Variants in SCUBE3 observed in about 807,000 individuals in gnomAD.
SCUBE3 encodes the protein signal peptide, CUB domain and EGF like domain containing 3, also known as signal peptide, CUB and EGF-like domain-containing protein 3.
In SCUBE3, 33 loss-of-function variants were observed where a neutral mutation model predicts 116.8. The observed-to-expected ratio is 0.28, with a 90% CI of 0.21 to 0.38. The LOEUF (loss-of-function observed/expected upper bound fraction) is 0.38. SCUBE3 is among the 10% of genes least tolerant of loss of function. The pLI is 1.00. For missense variants in SCUBE3, 1,007 were observed against 1,324.8 expected (o/e 0.76, Z 3.72); for synonymous variants, 418 against 496.9 (o/e 0.84, Z 2.11).
intron 1 of SCUBE3, chr6:35,218,296 A>G (rs902185547): frequency 1.3e-5 from 3 of 233,884 alleles, no homozygotes; most frequent in African/African-American, 2.3e-5. Context: ...TGAGAGGAAA[A>G]AGGAAGTGGG....
chr6:35,227,533 A>C, intron 1 of SCUBE3, 47 bp from the exon 2 acceptor site: 1 of 1,612,380 alleles, frequency 6.2e-7, no homozygotes, highest in Non-Finnish European at 8.5e-7. Context: ...GACACCCCTT[A>C]AGAGGTGCCA....
At chr6:35,225,877 C>A (rs1783302478) in intron 1 of SCUBE3, among the ~76,000 whole-genome samples, 1 of 152,066 alleles carries the variant, frequency 6.6e-6, no homozygotes, top group African/African-American at 2.4e-5. Context: ...TTAATAAAAC[C>A]TAGGCAATTC....
intron 1 of SCUBE3, chr6:35,222,108 AC>A (rs1783138545): frequency 6.6e-6 from 1 of 151,990 alleles, no homozygotes; most frequent in African/African-American, 2.4e-5. Context: ...GCCCACAATT[AC>A]CCCCTCCCCT....
rs746471288 is a variant in SCUBE3 at position 35,251,838 on chromosome 6, G to A, written c.*3133G>A. On this transcript the variant is annotated 3_prime_UTR_variant, in exon 22 of 22. Transcript: ENST00000274938. ...CTGGCCCTGGGACATCAAACTAGGGGTTAACTGGATTGAATGAGGAGTCAA... is the reference window on the plus strand; with the variant it reads ...CTGGCCCTGGGACATCAAACTAGGGATTAACTGGATTGAATGAGGAGTCAA... 2 of 152,244 alleles carry A rather than the reference G, an allele frequency of 1.3e-5. No individual in the cohort carries two copies. Among genetic ancestry groups the A allele is most frequent in the African/African-American group, 2.4e-5 (1 of 41,440 alleles). The allele number at this position is 152,244 out of a possible 1,614,324, so 9.4% of individuals were successfully genotyped here. A position where few individuals can be genotyped will look rare whatever the true frequency, so the allele number is the denominator to read the frequency against.
rs999804963 is a variant in SCUBE3 at position 35,241,033 on chromosome 6, A to G, written c.1070-108A>G. On this transcript the variant is annotated intron_variant, in intron 9 of 21. Coordinates refer to ENST00000274938, the MANE Select transcript of SCUBE3 (RefSeq NM_152753.4). This position sits in a 1 kb window ranked among gnomAD's most constrained non-coding sequence, Gnocchi z 4.1. The stretch of plus-strand genomic sequence containing the variant: ...TCTCTCGAACTTATTCATCTTGCGT[A>G]ATGCAGGGTACCTGAAACTCTAACC... 2.0e-5 allele frequency: 21 copies of G among 1,045,286 alleles called. No homozygotes were observed. In the Admixed American group the frequency reaches 4.7e-4, roughly 23 times the overall value. The allele number at this position is 1,045,286 out of a possible 1,614,324, so 64.8% of individuals were successfully genotyped here.
In SCUBE3 at chr6:35,242,607, A is replaced by G; in HGVS notation, c.1535-15A>G. 6.3e-7 allele frequency: 1 copy of G among 1,599,962 alleles called. No individual in the cohort carries two copies. Among genetic ancestry groups the G allele is most frequent in the Non-Finnish European group, 8.6e-7 (1 of 1,168,448 alleles). On this transcript the variant is annotated splice_polypyrimidine_tract_variant and intron_variant, in intron 13 of 21. Coordinates refer to ENST00000274938, the MANE Select transcript of SCUBE3 (RefSeq NM_152753.4). ...CCAGGGGATGTCCCTGGGGTTGACA[A>G]GCCCTCTCTCCCAGGTGGTGCCCCC...
In SCUBE3 at chr6:35,245,816, G is replaced by A. The variant is rs1784312972; in HGVS notation, c.2600-128G>A. ...GGTGTGGGGTAGGGTGTGTGTATGCGAAGGGGGAGCCTTTGTCAGAATGAT... is the reference window on the plus strand; with the variant it reads ...GGTGTGGGGTAGGGTGTGTGTATGCAAAGGGGGAGCCTTTGTCAGAATGAT... On this transcript the variant is annotated intron_variant, in intron 19 of 21. Coordinates refer to ENST00000274938, the MANE Select transcript of SCUBE3 (RefSeq NM_152753.4). This position sits in a 1 kb window ranked among gnomAD's most constrained non-coding sequence, Gnocchi z 4.2. 7 of 1,002,792 alleles carry A rather than the reference G, an allele frequency of 7.0e-6. No individual in the cohort carries two copies. The highest frequency in any genetic ancestry group is 3.2e-5 in the African/African-American group (2 of 61,986). 62.1% of individuals were successfully genotyped at this position (1,002,792 alleles called of 1,614,324 possible). A position where few individuals can be genotyped will look rare whatever the true frequency, so the allele number is the denominator to read the frequency against.
Position 35,239,255 on chromosome 6 carries a change from C to T in SCUBE3, c.830-497C>T, listed in dbSNP as rs72909084. 0.028 allele frequency among the ~76,000 whole-genome samples: 4,301 copies of T among 152,208 alleles called. 126 individuals carry two copies. Among genetic ancestry groups the T allele is most frequent in the Non-Finnish European group, 0.045 (3,079 of 67,998 alleles). On this transcript the variant is annotated intron_variant, in intron 7 of 21. Coordinates refer to ENST00000274938, the MANE Select transcript of SCUBE3 (RefSeq NM_152753.4). This position sits in a 1 kb window ranked among gnomAD's most constrained non-coding sequence, Gnocchi z 4.1. ...CCTGGCCTCTTTCCCAGCTCCTCCT[C>T]CTCCCTAAAGGGCTGCCCGTTTTCA... is the stretch of plus-strand genomic sequence containing the variant.
chr6:35,225,446 T>A (rs1446526369), intron 1 of SCUBE3, among the ~76,000 whole-genome samples: 1 of 152,250 alleles, frequency 6.6e-6, no homozygotes, highest in African/African-American at 2.4e-5. Context: ...ACCTATGAAC[T>A]AGTCTTCCAT....
At position 35,241,380 on chromosome 6, in the gene SCUBE3, G is replaced by A. The variant is rs1029190891; in HGVS notation, c.1195+114G>A. 2 of 1,288,826 alleles carry A rather than the reference G, an allele frequency of 1.6e-6. No individual in the cohort carries two copies. Among genetic ancestry groups the A allele is most frequent in the Non-Finnish European group, 1.1e-6 (1 of 908,536 alleles). The allele number at this position is 1,288,826 out of a possible 1,614,324, so 79.8% of individuals were successfully genotyped here. On this transcript the variant is annotated intron_variant, in intron 10 of 21. Transcript: ENST00000274938. The surrounding 1 kb of genome is among the most constrained non-coding windows in gnomAD (Gnocchi z 4.1). ...AAAGGTGTGAGGTGGAAAGGGTGGA[G>A]AATGTAGCCATTTTGAGTTAAAGAC... is the stretch of plus-strand genomic sequence containing the variant.
At chr6:35,227,814 C>A (rs924337942) in intron 2 of SCUBE3, 112 bp downstream of exon 2, 3 of 1,126,928 alleles carry the variant, frequency 2.7e-6, no homozygotes, top group Middle Eastern at 2.3e-4. Flanking sequence ...TTCCACTGGT[C>A]AAGTGGTGGG....
Position 35,243,927 on chromosome 6 carries a change from C to T in SCUBE3, c.2072-36C>T, listed in dbSNP as rs1784210189. 9 of 1,603,848 alleles carry T rather than the reference C, an allele frequency of 5.6e-6. No individual in the cohort carries two copies. The highest frequency in any genetic ancestry group is 7.7e-6 in the Non-Finnish European group (9 of 1,173,412). ...TGACCCCATGGGGATGACTCAGGAC[C>T]ATCCCCATCAGAGTTGGGCCCTTGA... is the stretch of plus-strand genomic sequence containing the variant. On this transcript the variant is annotated intron_variant, in intron 16 of 21. Transcript: ENST00000274938. The surrounding 1 kb of genome is among the most constrained non-coding windows in gnomAD (Gnocchi z 6.6).
chr6:35,225,405 C>T (rs1783286255), intron 1 of SCUBE3, among the ~76,000 whole-genome samples: 1 of 152,230 alleles, frequency 6.6e-6, no homozygotes, highest in Admixed American at 6.5e-5. Flanking sequence ...CCACAGAGCA[C>T]CTTACCATCT....
Position 35,250,117 on chromosome 6 carries a change from T to C in SCUBE3, c.*1412T>C, listed in dbSNP as rs1784500337. The C allele has an allele frequency of 6.6e-6, 1 of 152,432 alleles. No homozygotes were observed. Among genetic ancestry groups the C allele is most frequent in the South Asian group, 2.1e-4 (1 of 4,830 alleles). The allele number at this position is 152,432 out of a possible 1,614,324, so 9.4% of individuals were successfully genotyped here. On this transcript the variant is annotated 3_prime_UTR_variant, in exon 22 of 22. Transcript: ENST00000274938. ...CACCTAGAGCCCTTGGCTGTGGTAA[T>C]CCAGGGTAATTGCGCAGAGGCATCT... is the stretch of plus-strand genomic sequence containing the variant.
chr6:35,222,031 A>G (rs1052829177), intron 1 of SCUBE3: 1 of 152,242 alleles, frequency 6.6e-6, no homozygotes, highest in Non-Finnish European at 1.5e-5. Context: ...TGTCACAGCT[A>G]TGTGGGTGGG....
Position 35,228,571 on chromosome 6 carries a change from T to C in SCUBE3, c.209-43T>C. On this transcript the variant is annotated intron_variant, in intron 2 of 21. Transcript: ENST00000274938. The surrounding 1 kb of genome is among the most constrained non-coding windows in gnomAD (Gnocchi z 4.9). ...GCTGAGTCTGGGGGTGGACAGTGGG[T>C]TCGCAGGTGGGTTCAGCTGTCTCAG... 1 of 1,607,752 alleles carries C rather than the reference T, an allele frequency of 6.2e-7. No individual in the cohort carries two copies. The highest frequency in any genetic ancestry group is 8.5e-7 in the Non-Finnish European group (1 of 1,175,946).
At position 35,233,247 on chromosome 6, in the gene SCUBE3, C is replaced by T. The variant is rs780361952; in HGVS notation, c.658C>T (p.Arg220Trp). ...GTGTGATGACACAGAGCAGGGTCCC[C>T]GGTGCGGCTGCCATATCAAGTTTGT... is the stretch of plus-strand genomic sequence containing the variant. The part of the protein sequence containing the change: ...HTCDDTEQGP[R>W]CGCHIKFVLH... The change falls in exon 6 of 22, where the codon CGG becomes TGG. Residue 220 changes from arginine (R) to tryptophan (W), a missense_variant. Physicochemically the swap from Arg to Trp is moderately radical, Grantham distance 101. Transcript: ENST00000274938. This position sits in a 1 kb window ranked among gnomAD's most constrained non-coding sequence, Gnocchi z 5.7. The T allele has an allele frequency of 6.8e-6, 11 of 1,612,908 alleles. No individual in the cohort carries two copies. Among genetic ancestry groups the T allele is most frequent in the South Asian group, 2.2e-5 (2 of 91,048 alleles).
Position 35,244,524 on chromosome 6 carries a change from C to G in SCUBE3, c.2240-126C>G. The G allele has an allele frequency of 1.3e-6, 1 of 795,440 alleles. No individual in the cohort carries two copies. The highest frequency in any genetic ancestry group is 2.1e-6 in the Non-Finnish European group (1 of 480,726). 49.3% of individuals were successfully genotyped at this position (795,440 alleles called of 1,614,324 possible). A position where few individuals can be genotyped will look rare whatever the true frequency, so the allele number is the denominator to read the frequency against. On this transcript the variant is annotated intron_variant, in intron 17 of 21. Transcript: ENST00000274938. The surrounding 1 kb of genome is among the most constrained non-coding windows in gnomAD (Gnocchi z 4.3). ...TGGCATGACTGGGAAAGATTGAGAC[C>G]CTAGAAAAGAACTTTGATGTATCTG...
rs918104471 is a variant in SCUBE3, at chr6:35,239,762, G to A, written c.840G>A (p.Glu280=). ...PDRKTCKDID[E]CRLNNGGCDH... ...GTCCTCCTTCTTCAGATATAGATGA[G>A]TGCCGCTTAAACAACGGGGGCTGTG... Residue 280 remains glutamate (E), a synonymous_variant, in exon 8 of 22, where the codon GAG becomes GAA. Coordinates refer to ENST00000274938, the MANE Select transcript of SCUBE3 (RefSeq NM_152753.4). This position sits in a 1 kb window ranked among gnomAD's most constrained non-coding sequence, Gnocchi z 4.1. 12 of 1,612,024 alleles carry A rather than the reference G, an allele frequency of 7.4e-6. No homozygotes were observed. Among genetic ancestry groups the A allele is most frequent in the Admixed American group, 1.7e-5 (1 of 59,554 alleles).
Sources: allele counts gnomAD v4.1 joint callset (sites outside exome capture counted in the v4.1 genomes callset), GRCh38; gene constraint gnomAD v4.1.1; non-coding constraint Gnocchi (gnomAD v3.1); transcripts MANE v1.5; gene names NCBI Gene and HGNC (gene_info 2026-07-23, HGNC 2026-07-21).